The following NFAT5 variants were observed in gnomAD, a reference collection of about 807,000 sequenced individuals.
NFAT5 encodes nuclear factor of activated T-cells 5.
In NFAT5, 31 loss-of-function variants were observed where a neutral mutation model predicts 166.5. That is an observed-to-expected ratio of 0.19 (90% CI 0.14 to 0.25). The LOEUF (loss-of-function observed/expected upper bound fraction) is 0.25, where lower values mean the gene tolerates loss of function less well. Among genes scored for constraint, NFAT5 ranks in the 10% least tolerant of loss-of-function variants. The pLI is 1.00. For missense variants in NFAT5, 1,449 were observed against 1,821.8 expected (o/e 0.80, Z 3.72); for synonymous variants, 612 against 639.7 (o/e 0.96, Z 0.65).
At chr16:69,648,589 T>A in intron 4 of NFAT5, 1 of 984,750 alleles carries the variant, frequency 1.0e-6, no homozygotes, top group Non-Finnish European at 1.2e-6. Context: ...TCAATAGCTA[T>A]GTTACAGAAT....
At chr16:69,649,923 T>G (rs778406545) in intron 4 of NFAT5, among the ~76,000 whole-genome samples, 4 of 151,992 alleles carry the variant, frequency 2.6e-5, no homozygotes, top group Non-Finnish European at 5.9e-5. Flanking sequence ...AATAGCATTT[T>G]TATATGACTA....
At chr16:69,683,825 G>A (rs746681704) in intron 10 of NFAT5, among the ~76,000 whole-genome samples, 14 of 151,996 alleles carry the variant, frequency 9.2e-5, no homozygotes, top group Non-Finnish European at 1.8e-4. Flanking sequence ...GGCAGCCAGT[G>A]CGGTGGCTCA....
intron 4 of NFAT5, chr16:69,649,062 A>G (rs1321691012): frequency 1.2e-6 from 1 of 852,676 alleles, no homozygotes; most frequent in Non-Finnish European, 1.4e-6. Context: ...AATAAGATAT[A>G]CTCTTTCCTA....
At chr16:69,577,730 CT>C (rs1434183004) in intron 2 of NFAT5, among the ~76,000 whole-genome samples, 1 of 152,090 alleles carries the variant, frequency 6.6e-6, no homozygotes, top group African/African-American at 2.4e-5. Flanking sequence ...AACATACATA[CT>C]TTTTAAAAAA....
Position 69,699,865 on chromosome 16 carries a change from T to A in NFAT5, c.*3514T>A, listed in dbSNP as rs903752049. 6.6e-6 allele frequency: 1 copy of A among 152,088 alleles called. No homozygotes were observed. The highest frequency in any genetic ancestry group is 6.6e-5 in the Admixed American group (1 of 15,254). 9.4% of individuals were successfully genotyped at this position (152,088 alleles called of 1,614,324 possible). On this transcript the variant is annotated 3_prime_UTR_variant, in exon 15 of 15. Coordinates refer to ENST00000349945, the MANE Select transcript of NFAT5 (RefSeq NM_138713.4). ...GTGTGTGTGTGTATGTGTGTGTGTGTGTGTGTGTGTTTCCTTATTGTCATT... is the reference window on the plus strand; with the variant it reads ...GTGTGTGTGTGTATGTGTGTGTGTGAGTGTGTGTGTTTCCTTATTGTCATT...
intron 6 of NFAT5, 70 bp downstream of exon 6, chr16:69,655,869 A>C: frequency 8.5e-7 from 1 of 1,172,760 alleles, no homozygotes. Flanking sequence ...TCAGTTTCTA[A>C]TGTATAGAAG....
chr16:69,682,818 T>G (rs1466362358), intron 10 of NFAT5, among the ~76,000 whole-genome samples: 4 of 152,176 alleles, frequency 2.6e-5, no homozygotes, highest in Non-Finnish European at 5.9e-5. Flanking sequence ...CTAAGATAAA[T>G]TATTTAACTT....
chr16:69,585,041 ATGC>A (rs1446672176), intron 2 of NFAT5, among the ~76,000 whole-genome samples: 2 of 152,032 alleles, frequency 1.3e-5, no homozygotes, highest in Admixed American at 6.6e-5. Flanking sequence ...CTCTGTCGCC[ATGC>A]TGGAGTGCAG....
At position 69,685,016 on chromosome 16, in the gene NFAT5, A is replaced by G. The variant is rs755813230; in HGVS notation, c.1774+46A>G. On this transcript the variant is annotated intron_variant, in intron 11 of 14. Coordinates refer to ENST00000349945, the MANE Select transcript of NFAT5 (RefSeq NM_138713.4). The stretch of plus-strand genomic sequence containing the variant: ...AAAAATCGTAATTGGGTGCTCCTGT[A>G]TGTTTTCTCTAGCACACCTTACTAT... 4 of 1,322,262 alleles carry G rather than the reference A, an allele frequency of 3.0e-6. No individual in the cohort carries two copies. In the East Asian group the frequency reaches 7.0e-5, roughly 23 times the overall value. 81.9% of individuals were successfully genotyped at this position (1,322,262 alleles called of 1,614,324 possible).
At position 69,702,454 on chromosome 16, in the gene NFAT5, C is replaced by G. The variant is rs2037914597; in HGVS notation, c.*6103C>G. 1 of 152,212 alleles carries G rather than the reference C, an allele frequency of 6.6e-6. No homozygotes were observed. The highest frequency in any genetic ancestry group is 2.4e-5 in the African/African-American group (1 of 41,458). The allele number at this position is 152,212 out of a possible 1,614,324, so 9.4% of individuals were successfully genotyped here. A position where few individuals can be genotyped will look rare whatever the true frequency, so the allele number is the denominator to read the frequency against. On this transcript the variant is annotated 3_prime_UTR_variant, in exon 15 of 15. Coordinates refer to ENST00000349945, the MANE Select transcript of NFAT5 (RefSeq NM_138713.4). ...TTGGGAATTCATTAAAACCAGTTGT[C>G]TATATATTTTGTGCCATGTATATAA... is the stretch of plus-strand genomic sequence containing the variant.
rs190187070 is a variant in NFAT5, at chr16:69,649,716, A to G, written c.812+2130A>G. ...AAAAATAATTTTTCAGAGCATGTCA[A>G]GCTAAAAGCCTGTATTCTTCAACAG... On this transcript the variant is annotated intron_variant, in intron 4 of 14. Transcript: ENST00000349945. 4.4e-3 allele frequency: 1,035 copies of G among 235,474 alleles called. 9 individuals are homozygous for G. The highest frequency in any genetic ancestry group is 4.8e-3 in the Non-Finnish European group (686 of 144,222). 14.6% of individuals were successfully genotyped at this position (235,474 alleles called of 1,614,324 possible). A position where few individuals can be genotyped will look rare whatever the true frequency, so the allele number is the denominator to read the frequency against.
chr16:69,636,331 G>C (rs2034964825), intron 3 of NFAT5, among the ~76,000 whole-genome samples: 1 of 152,154 alleles, frequency 6.6e-6, no homozygotes, highest in South Asian at 2.1e-4. Flanking sequence ...TTTTCTAGGT[G>C]CATGATGCAG....
At chr16:69,674,403 T>C (rs1314446298) in intron 9 of NFAT5, among the ~76,000 whole-genome samples, 1 of 152,122 alleles carries the variant, frequency 6.6e-6, no homozygotes, top group East Asian at 1.9e-4. Flanking sequence ...ATTCATTATG[T>C]CTATTCCCTT....
Position 69,693,103 on chromosome 16 carries a change from A to G in NFAT5, c.3278A>G (p.Gln1093Arg), listed in dbSNP as rs1274697643. ...TCACAGGCCCAACTTTTTCATCCTC[A>G]AAATCCTATTGCCGATGCTCAGAAC... ...SHSQAQLFHP[Q>R]NPIADAQNLS... Residue 1093 changes from glutamine (Q) to arginine (R), a missense_variant, in exon 13 of 15, where the codon CAA (glutamine) becomes CGA (arginine). By Grantham distance (43) the Gln-to-Arg change is conservative. Around this residue, in one of 7 missense-constraint regions of NFAT5, gnomAD observed 891 missense variants for 993.0 expected, o/e 0.90. Coordinates refer to ENST00000349945, the MANE Select transcript of NFAT5 (RefSeq NM_138713.4). 5 of 1,614,014 alleles carry G rather than the reference A, an allele frequency of 3.1e-6. No homozygotes were observed. The Admixed American group carries it at 6.7e-5, about 22-fold the overall frequency.
chr16:69,577,764 G>T (rs979240158), intron 2 of NFAT5, among the ~76,000 whole-genome samples: 2 of 152,076 alleles, frequency 1.3e-5, no homozygotes, highest in East Asian at 3.9e-4. Context: ...TTTAAAATGG[G>T]TGCATTTCTA....
intron 3 of NFAT5, among the ~76,000 whole-genome samples, chr16:69,631,084 G>A (rs2034692849): frequency 6.6e-6 from 1 of 152,136 alleles, no homozygotes; most frequent in Non-Finnish European, 1.5e-5. Context: ...ATTTTTCTAA[G>A]TGGACTGTTT....
At chr16:69,632,296 G>T (rs868845137) in intron 3 of NFAT5, 3 of 152,256 alleles carry the variant, frequency 2.0e-5, no homozygotes, top group South Asian at 4.1e-4. Context: ...CAAGAATTGT[G>T]TTAGGTAATT....
At chr16:69,626,561 C>G (rs1280305740) in intron 3 of NFAT5, 33 bp downstream of exon 3, 7 of 1,488,078 alleles carry the variant, frequency 4.7e-6, no homozygotes, top group Non-Finnish European at 6.3e-6. Flanking sequence ...TTAAAGAAAA[C>G]TAGGGCCAAT....
intron 2 of NFAT5, among the ~76,000 whole-genome samples, chr16:69,579,257 G>A (rs1386775139): frequency 2.6e-5 from 4 of 151,894 alleles, no homozygotes; most frequent in Non-Finnish European, 5.9e-5. Context: ...TATATTCTCT[G>A]GAATATTGGG....
Sources: gnomAD v4.1 joint callset for allele counts (sites outside exome capture counted in the v4.1 genomes callset) on GRCh38, gnomAD v4.1.1 for gene constraint, gnomAD v4.1.1 regional missense constraint, MANE v1.5 for transcripts, NCBI Gene and HGNC (gene_info 2026-07-23, HGNC 2026-07-21) for gene names.